The following CLIC6 variants were observed in gnomAD, a reference collection of about 807,000 sequenced individuals.
CLIC6 encodes CLIC family member 6.
Under a neutral mutation model 49.2 loss-of-function variants are expected in CLIC6, and 39 were observed. The ratio of observed to expected loss-of-function variants is 0.79; its 90% CI spans 0.61 to 1.04. The LOEUF is 1.04. Ranked by LOEUF, CLIC6 falls within the 50% of genes least tolerant of loss-of-function variation. The probability of loss-of-function intolerance (pLI) is 0.00; values close to 1 mark genes in which losing one functional copy is unlikely to be tolerated. For synonymous variants in CLIC6, 446 were observed against 433.4 expected (o/e 1.03, Z -0.36); for missense variants, 988 against 993.1 (o/e 0.99, Z 0.07).
Position 34,670,114 on chromosome 21 carries a change from G to T in CLIC6, c.726G>T (p.Ala242=). Residue 242 remains alanine, a synonymous_variant, in exon 1 of 6, where the codon GCG becomes GCT. Coordinates refer to ENST00000349499, the MANE Select transcript of CLIC6 (RefSeq NM_053277.3). Reference sequence around the variant, plus strand: ...GTCCGGCGGGGGACAGCGTAGACGCGGAGGGCCGGGTGGGGGACAGCGTAG... The same window carrying T: ...GTCCGGCGGGGGACAGCGTAGACGCTGAGGGCCGGGTGGGGGACAGCGTAG... ...AEGPAGDSVD[A]EGRVGDSVEA... is the part of the protein sequence containing the mutation. The T allele has an allele frequency of 7.2e-7, 1 of 1,384,494 alleles. No homozygotes were observed. The highest frequency in any genetic ancestry group is 9.3e-7 in the Non-Finnish European group (1 of 1,077,682). The allele number at this position is 1,384,494 out of a possible 1,614,324, so 85.8% of individuals were successfully genotyped here.
intron 1 of CLIC6, among the ~76,000 whole-genome samples, chr21:34,687,912 C>T (rs1989910808): frequency 6.6e-6 from 1 of 151,986 alleles, no homozygotes; most frequent in African/African-American, 2.4e-5. Context: ...CCTTTTATGG[C>T]CTGGAATGAG....
intron 1 of CLIC6, among the ~76,000 whole-genome samples, chr21:34,703,834 G>A (rs200687604): frequency 1.3e-5 from 2 of 152,168 alleles, no homozygotes; most frequent in Admixed American, 6.5e-5. Context: ...TCGGAATGTG[G>A]TGTCAGAGGC....
rs1555880198 is a variant in CLIC6 at position 34,716,899 on chromosome 21, C to CAA, written c.*418_*419dup. 6.6e-6 allele frequency: 1 copy of CAA among 150,632 alleles called. No individual in the cohort carries two copies. The highest frequency in any genetic ancestry group is 2.4e-4 in the East Asian group (1 of 4,146). 9.3% of individuals were successfully genotyped at this position (150,632 alleles called of 1,614,324 possible). On this transcript the variant is annotated 3_prime_UTR_variant, in exon 6 of 6. Coordinates refer to ENST00000349499, the MANE Select transcript of CLIC6 (RefSeq NM_053277.3). ...ACACACACACACACACACACACACA[C>CAA]AATTTCATTCATATATGGTATTGCA...
Position 34,716,350 on chromosome 21 carries a change from A to C in CLIC6, c.1929A>C (p.Glu643Asp), listed in dbSNP as rs761184477. 6.2e-7 allele frequency: 1 copy of C among 1,612,938 alleles called. No homozygotes were observed. The change falls in exon 6 of 6, where the codon GAA (glutamate) becomes GAC (aspartate). Residue 643 changes from glutamate to aspartate, a missense_variant. Around this residue, in one of 3 missense-constraint regions of CLIC6, gnomAD observed 647 missense variants for 596.9 expected, o/e 1.08. Transcript: ENST00000349499. ...TGGCCAAGAAGTACAGAGATTTTGAATTTCCTTCTGAAATGACTGGCATCT... is the reference window on the plus strand; with the variant it reads ...TGGCCAAGAAGTACAGAGATTTTGACTTTCCTTCTGAAATGACTGGCATCT... ...KIVAKKYRDF[E>D]FPSEMTGIWR...
At chr21:34,670,914 C>G (rs578103263) in intron 1 of CLIC6, 152 bp downstream of exon 1, 2 of 885,140 alleles carry the variant, frequency 2.3e-6, no homozygotes, top group Non-Finnish European at 3.3e-6. Flanking sequence ...GCGGGACAGC[C>G]GGGATTTCCC....
Position 34,708,696 on chromosome 21 carries a change from C to A in CLIC6, c.1611-4C>A. 6.2e-7 allele frequency: 1 copy of A among 1,609,942 alleles called. No individual in the cohort carries two copies. Among genetic ancestry groups the A allele is most frequent in the Non-Finnish European group, 8.5e-7 (1 of 1,176,250 alleles). ...TGTGATCCTCCAATTTTGAACTTTT[C>A]AAGGTATCCCAAGCTGGGGACCCAA... On this transcript the variant is annotated splice_region_variant and splice_polypyrimidine_tract_variant and intron_variant, in intron 3 of 5. Transcript: ENST00000349499.
chr21:34,687,898 A>G (rs919331872), intron 1 of CLIC6, among the ~76,000 whole-genome samples: 8 of 152,222 alleles, frequency 5.3e-5, no homozygotes, highest in African/African-American at 1.7e-4. Context: ...GGGAAAGCCT[A>G]GCTCCTTTTA....
rs769858861 is a variant in CLIC6 at position 34,709,500 on chromosome 21, G to C, written c.1861G>C (p.Ala621Pro). ...TCTGGATGGGGACGAGCTGACGCTG[G>C]CTGACTGCAACCTCTTACCCAAGCT... is the stretch of plus-strand genomic sequence containing the variant. ...KFLDGDELTL[A>P]DCNLLPKLHI... The change falls in exon 5 of 6, where the codon GCT becomes CCT. Residue 621 changes from alanine (A) to proline (P), a missense_variant. Physicochemically the swap from Ala to Pro is conservative, Grantham distance 27 (BLOSUM62 -1). Transcript: ENST00000349499. 1.2e-6 allele frequency: 2 copies of C among 1,613,962 alleles called. No individual in the cohort carries two copies. The highest frequency in any genetic ancestry group is 1.7e-6 in the Non-Finnish European group (2 of 1,179,846).
chr21:34,681,462 A>C (rs1989779411), intron 1 of CLIC6, among the ~76,000 whole-genome samples: 1 of 152,220 alleles, frequency 6.6e-6, no homozygotes, highest in African/African-American at 2.4e-5. Flanking sequence ...CAGAGCTGTG[A>C]TCTCATCTGA....
rs1023000207 is a variant in CLIC6 at position 34,670,266 on chromosome 21, C to T, written c.878C>T (p.Ser293Leu). 2 of 1,439,284 alleles carry T rather than the reference C, an allele frequency of 1.4e-6. No individual in the cohort carries two copies. The highest frequency in any genetic ancestry group is 5.5e-5 in the Admixed American group (2 of 36,180). 89.2% of individuals were successfully genotyped at this position (1,439,284 alleles called of 1,614,324 possible). Reference sequence around the variant, plus strand: ...CCGGCAGGAAGGGCGCGCCGGGTCTCGGGTGAGCCGCAGCAATCGGGGGAC... The same window carrying T: ...CCGGCAGGAAGGGCGCGCCGGGTCTTGGGTGAGCCGCAGCAATCGGGGGAC... ...EGPAGRARRVSGEPQQSGDGS... is the reference protein window; with the variant it reads ...EGPAGRARRVLGEPQQSGDGS... Residue 293 changes from serine to leucine, a missense_variant, in exon 1 of 6, where the codon TCG becomes TTG. Around this residue, in one of 3 missense-constraint regions of CLIC6, gnomAD observed 647 missense variants for 596.9 expected, o/e 1.08. Transcript: ENST00000349499.
intron 5 of CLIC6, among the ~76,000 whole-genome samples, chr21:34,713,641 C>G (rs2056070239): frequency 6.6e-6 from 1 of 150,656 alleles, no homozygotes; most frequent in South Asian, 2.1e-4. Context: ...TATACATGAT[C>G]AGGAACAAGA....
intron 1 of CLIC6, among the ~76,000 whole-genome samples, chr21:34,682,907 G>T (rs979605823): frequency 1.4e-5 from 2 of 144,536 alleles, no homozygotes; most frequent in Non-Finnish European, 3.0e-5. Flanking sequence ...TGCCTCCCAG[G>T]TTCATGCCAT....
intron 1 of CLIC6, among the ~76,000 whole-genome samples, chr21:34,681,840 A>G (rs944977205): frequency 6.6e-6 from 1 of 152,242 alleles, no homozygotes; most frequent in Non-Finnish European, 1.5e-5. Context: ...ATTAGGCTCC[A>G]CCAATTAAAA....
chr21:34,681,308 T>C (rs8130954), intron 1 of CLIC6, among the ~76,000 whole-genome samples: 2,374 of 152,318 alleles, frequency 0.016, 68 homozygotes, highest in African/African-American at 0.054. Flanking sequence ...GGAAACTGCC[T>C]CCATGATTCA....
intron 2 of CLIC6, 46 bp from the exon 3 acceptor site, chr21:34,707,898 A>G (rs1381226836): frequency 1.2e-6 from 2 of 1,609,614 alleles, no homozygotes; most frequent in South Asian, 1.1e-5. Context: ...AAATGAGTCC[A>G]GATTCTCACG....
rs1464459276 is a variant in CLIC6 at position 34,669,379 on chromosome 21, A to T, written c.-10A>T. 2.4e-6 allele frequency: 3 copies of T among 1,237,964 alleles called. No individual in the cohort carries two copies. Among genetic ancestry groups the T allele is most frequent in the Non-Finnish European group, 3.0e-6 (3 of 991,194 alleles). 76.7% of individuals were successfully genotyped at this position (1,237,964 alleles called of 1,614,324 possible). On this transcript the variant is annotated 5_prime_UTR_variant, in exon 1 of 6. Coordinates refer to ENST00000349499, the MANE Select transcript of CLIC6 (RefSeq NM_053277.3). ...GAAGGAGTCCCGATCAAGGACAGGG[A>T]TCTGCGGCCATGGCCGAGGCCGCGG...
chr21:34,683,307 T>C (rs1395346631), intron 1 of CLIC6, among the ~76,000 whole-genome samples: 1 of 152,226 alleles, frequency 6.6e-6, no homozygotes, highest in Non-Finnish European at 1.5e-5. Context: ...TAATATCTAC[T>C]GAAATTTATT....
chr21:34,681,722 G>A (rs1171479456), intron 1 of CLIC6, among the ~76,000 whole-genome samples: 1 of 152,168 alleles, frequency 6.6e-6, no homozygotes, highest in Non-Finnish European at 1.5e-5. Context: ...CAAGGAAGAA[G>A]CCATAATGCC....
In CLIC6 at chr21:34,716,492, G is replaced by A. The variant is rs1402766671; in HGVS notation, c.*10G>A. The A allele has an allele frequency of 6.3e-7, 1 of 1,599,430 alleles. No homozygotes were observed. Among genetic ancestry groups the A allele is most frequent in the East Asian group, 2.3e-5 (1 of 44,314 alleles). Reference sequence around the variant, plus strand: ...AAAAAGAATGAAATGAAGCTGGGCTGTTTTCTGTCTTATTTCTCAGTTGAG... The same window carrying A: ...AAAAAGAATGAAATGAAGCTGGGCTATTTTCTGTCTTATTTCTCAGTTGAG... On this transcript the variant is annotated 3_prime_UTR_variant, in exon 6 of 6. Transcript: ENST00000349499.
Sources: allele counts gnomAD v4.1 joint callset (sites outside exome capture counted in the v4.1 genomes callset), GRCh38; gene constraint gnomAD v4.1.1; regional missense constraint gnomAD v4.1.1; transcripts MANE v1.5; gene names NCBI Gene and HGNC (gene_info 2026-07-23, HGNC 2026-07-21).